The following THRB variants were observed in gnomAD, a reference collection of about 807,000 sequenced individuals.
THRB encodes the protein nuclear receptor subfamily 1 group A member 2.
Under a neutral mutation model 47.8 loss-of-function variants are expected in THRB, and 12 were observed. That is an observed-to-expected ratio of 0.25 (90% confidence interval 0.16 to 0.41). The LOEUF is 0.41. Ranked by LOEUF, THRB falls within the 10% of genes least tolerant of loss-of-function variation. The pLI is 1.00. For synonymous variants in THRB, 218 were observed against 212.2 expected, an observed-to-expected ratio of 1.03 and a Z score of -0.24; for missense variants, 348 against 589.2, an observed-to-expected ratio of 0.59 and a Z score of 4.24.
At chr3:24,181,172 C>T (rs2041849885) in intron 5 of THRB, among the ~76,000 whole-genome samples, 1 of 152,182 alleles carries the variant, frequency 6.6e-6, no homozygotes, top group Admixed American at 6.5e-5. Context: ...CTTATGTTTT[C>T]ATGATGATCA....
intron 5 of THRB, among the ~76,000 whole-genome samples, chr3:24,189,812 T>G (rs75778131): frequency 0.06 from 9,147 of 152,274 alleles, 303 homozygotes; most frequent in South Asian, 0.083. Flanking sequence ...ACCCCTCTAC[T>G]AATTAGAGAA....
intron 1 of THRB, among the ~76,000 whole-genome samples, chr3:24,469,931 G>C (rs1224463684): frequency 6.6e-6 from 1 of 152,230 alleles, no homozygotes; most frequent in African/African-American, 2.4e-5. Context: ...TCAAATGAAT[G>C]AAGTCAATGT....
intron 3 of THRB, among the ~76,000 whole-genome samples, chr3:24,235,558 T>C (rs17014454): frequency 0.073 from 11,110 of 152,154 alleles, 465 homozygotes; most frequent in East Asian, 0.11. Context: ...GCTCATCTAT[T>C]AATACTTCAG....
intron 1 of THRB, among the ~76,000 whole-genome samples, chr3:24,404,230 A>G (rs1011092671): frequency 6.6e-6 from 1 of 151,980 alleles, no homozygotes; most frequent in South Asian, 2.1e-4. Flanking sequence ...AAAATCATGC[A>G]TGAGTAAAAG....
intron 1 of THRB, among the ~76,000 whole-genome samples, chr3:24,384,126 G>A (rs1249932739): frequency 6.6e-6 from 1 of 152,090 alleles, no homozygotes; most frequent in African/African-American, 2.4e-5. Context: ...CATGGCTACT[G>A]TATATCCTTT....
At chr3:24,204,361 G>T (rs1219882011) in intron 4 of THRB, among the ~76,000 whole-genome samples, 1 of 152,194 alleles carries the variant, frequency 6.6e-6, no homozygotes, top group Non-Finnish European at 1.5e-5. Context: ...TTGCTGTTCT[G>T]CAGCCTTCAC....
chr3:24,206,410 A>G (rs2045360857), intron 4 of THRB, among the ~76,000 whole-genome samples: 1 of 152,254 alleles, frequency 6.6e-6, no homozygotes, highest in Admixed American at 6.5e-5. Flanking sequence ...TACTGGGTAC[A>G]TAACAAAATG....
chr3:24,147,895 T>C (rs2036317556), intron 6 of THRB, among the ~76,000 whole-genome samples: 1 of 152,096 alleles, frequency 6.6e-6, no homozygotes, highest in Admixed American at 6.5e-5. Context: ...GAACTTCAGG[T>C]AGGATGGAAA....
intron 2 of THRB, among the ~76,000 whole-genome samples, chr3:24,319,223 T>G (rs1032680742): frequency 1.3e-5 from 2 of 152,296 alleles, no homozygotes; most frequent in African/African-American, 2.4e-5. Context: ...TAAACATATA[T>G]CTACCCTATA....
At chr3:24,365,425 C>T (rs1231092872) in intron 1 of THRB, among the ~76,000 whole-genome samples, 1 of 152,168 alleles carries the variant, frequency 6.6e-6, no homozygotes, top group Admixed American at 6.5e-5. Flanking sequence ...AGCTTTTCAA[C>T]AGACTGGAAC....
At chr3:24,129,397 A>G (rs910877361) in intron 9 of THRB, among the ~76,000 whole-genome samples, 3 of 152,256 alleles carry the variant, frequency 2.0e-5, no homozygotes, top group Non-Finnish European at 4.4e-5. Flanking sequence ...CAAACCATTT[A>G]TTTTTAAAAT....
At chr3:24,418,709 T>C (rs998420833) in intron 1 of THRB, among the ~76,000 whole-genome samples, 2 of 151,904 alleles carry the variant, frequency 1.3e-5, no homozygotes, top group Non-Finnish European at 2.9e-5. Context: ...TAACAGAGCT[T>C]ATTATGTAAT....
intron 1 of THRB, among the ~76,000 whole-genome samples, chr3:24,442,824 CAAA>C (rs71988334): frequency 1.5e-5 from 2 of 135,172 alleles, no homozygotes; most frequent in East Asian, 5.2e-4. Context: ...AACTCCGTCT[CAAA>C]AAAAAAAAAA....
chr3:24,395,186 G>C (rs2066865484), intron 1 of THRB, among the ~76,000 whole-genome samples: 1 of 151,978 alleles, frequency 6.6e-6, no homozygotes, highest in Non-Finnish European at 1.5e-5. Context: ...AAATACAGGA[G>C]AAAAATTTCA....
chr3:24,316,819 C>T (rs1327909298), intron 2 of THRB, among the ~76,000 whole-genome samples: 1 of 152,080 alleles, frequency 6.6e-6, no homozygotes, highest in Non-Finnish European at 1.5e-5. Flanking sequence ...ACATCCTCCA[C>T]CCCCCAGAAC....
Position 24,430,374 on chromosome 3 carries a change from A to T in THRB, c.-261+64278T>A, listed in dbSNP as rs188808923. 9.3e-4 allele frequency among the ~76,000 whole-genome samples: 141 copies of T among 152,216 alleles called. 1 individual carries two copies. Among genetic ancestry groups the T allele is most frequent in the African/African-American group, 3.1e-3 (127 of 41,548 alleles). On this transcript the variant is annotated intron_variant, in intron 1 of 10. Coordinates refer to ENST00000646209, the MANE Select transcript of THRB (RefSeq NM_001354712.2). ...GCTTTGCATTGAAGATCAAAGGGGA[A>T]CTCATAGACTGCTCAGTAAGTTATG...
At chr3:24,261,739 C>A (rs944070753) in intron 3 of THRB, among the ~76,000 whole-genome samples, 7 of 152,128 alleles carry the variant, frequency 4.6e-5, no homozygotes, top group Non-Finnish European at 7.4e-5. Flanking sequence ...CTATGCAATT[C>A]TTGGAACTCA....
intron 1 of THRB, among the ~76,000 whole-genome samples, chr3:24,476,037 C>G (rs1385021271): frequency 6.6e-6 from 1 of 152,230 alleles, no homozygotes; most frequent in Non-Finnish European, 1.5e-5. Context: ...GCTAGGTCCA[C>G]CCAGCTGCTG....
intron 3 of THRB, among the ~76,000 whole-genome samples, chr3:24,258,114 G>A (rs542349838): frequency 6.6e-6 from 1 of 152,182 alleles, no homozygotes; most frequent in Non-Finnish European, 1.5e-5. Context: ...AGAGAGGGAG[G>A]AGAATGAGGT....
Sources: allele counts gnomAD v4.1 joint callset (sites outside exome capture counted in the v4.1 genomes callset), GRCh38; gene constraint gnomAD v4.1.1; transcripts MANE v1.5; gene names NCBI Gene and HGNC (gene_info 2026-07-23, HGNC 2026-07-21).